TNFRSF19: variants seen among roughly 807,000 people sequenced by gnomAD.
The protein encoded by TNFRSF19 is TNF receptor superfamily member 19, also known as tumor necrosis factor receptor superfamily member 19.
TNFRSF19 carries 27 observed loss-of-function variants against 46.4 expected under a neutral mutation model. The ratio of observed to expected loss-of-function variants is 0.58; its 90% CI spans 0.43 to 0.80. The LOEUF is 0.80. Ranked by LOEUF, TNFRSF19 falls within the 30% of genes least tolerant of loss-of-function variation. The pLI, the probability that TNFRSF19 is intolerant of heterozygous loss-of-function variation, is 0.00. For missense variants in TNFRSF19, 511 were observed against 530.8 expected (o/e 0.96, Z 0.37); for synonymous variants, 204 against 205.0 (o/e 1.00, Z 0.04).
At chr13:23,642,286 G>A (rs925986167) in intron 5 of TNFRSF19, among the ~76,000 whole-genome samples, 4 of 152,066 alleles carry the variant, frequency 2.6e-5, no homozygotes, top group Non-Finnish European at 4.4e-5. Context: ...CTGTATAGGC[G>A]GTTTCAGTCA....
At chr13:23,661,776 C>G (rs571480156) in intron 7 of TNFRSF19, among the ~76,000 whole-genome samples, 1 of 152,290 alleles carries the variant, frequency 6.6e-6, no homozygotes, top group South Asian at 2.1e-4. Context: ...TTTTCATTTG[C>G]ATTTCTCTAA....
rs58921090 is a variant in TNFRSF19 at position 23,672,821 on chromosome 13, C to T, written c.1246-551C>T. ...CTACACTTTGCTGAGGATATTCTCC[C>T]GATAAGGACTGTGAGTATGCTAGGG... On this transcript the variant is annotated intron_variant, in intron 9 of 9. Transcript: ENST00000248484. 6.2e-4 allele frequency among the ~76,000 whole-genome samples: 95 copies of T among 152,222 alleles called. 1 individual carries two copies. In the East Asian group the frequency reaches 0.016, roughly 26 times the overall value.
chr13:23,630,730 A>G (rs1394005961), intron 5 of TNFRSF19, among the ~76,000 whole-genome samples: 8 of 152,266 alleles, frequency 5.3e-5, no homozygotes, highest in Non-Finnish European at 1.0e-4. Flanking sequence ...AAGAAAGTTT[A>G]GAACCATATC....
chr13:23,658,082 C>T (rs964860616), intron 5 of TNFRSF19, among the ~76,000 whole-genome samples: 1 of 151,120 alleles, frequency 6.6e-6, no homozygotes, highest in Non-Finnish European at 1.5e-5. Context: ...ATCCATTTCT[C>T]TCATTATTTT....
At chr13:23,635,966 A>G (rs1007661757) in intron 5 of TNFRSF19, among the ~76,000 whole-genome samples, 13 of 152,354 alleles carry the variant, frequency 8.5e-5, no homozygotes, top group African/African-American at 3.1e-4. Flanking sequence ...TTCCCCCATC[A>G]TGATACAGAA....
intron 5 of TNFRSF19, among the ~76,000 whole-genome samples, chr13:23,657,771 G>A (rs886064918): frequency 6.6e-6 from 1 of 151,980 alleles, no homozygotes; most frequent in African/African-American, 2.4e-5. Context: ...ACAGCTCACT[G>A]CAGCTTCATA....
intron 3 of TNFRSF19, among the ~76,000 whole-genome samples, chr13:23,597,124 A>G (rs1401419151): frequency 6.6e-6 from 1 of 152,262 alleles, no homozygotes; most frequent in African/African-American, 2.4e-5. Context: ...ATAGCACTAA[A>G]TGCCCACAGG....
intron 4 of TNFRSF19, among the ~76,000 whole-genome samples, chr13:23,617,903 A>G (rs988378719): frequency 3.3e-5 from 5 of 152,138 alleles, no homozygotes; most frequent in African/African-American, 1.2e-4. Flanking sequence ...CTACAGACAA[A>G]AGACTCTAAC....
chr13:23,591,368 G>A (rs879885921), intron 2 of TNFRSF19, among the ~76,000 whole-genome samples: 4 of 152,190 alleles, frequency 2.6e-5, no homozygotes, highest in South Asian at 2.1e-4. Flanking sequence ...TAGGAGAATC[G>A]CTTGAACATG....
At chr13:23,581,122 TTTTTC>T (rs1486353639) in intron 1 of TNFRSF19, among the ~76,000 whole-genome samples, 20 of 145,660 alleles carry the variant, frequency 1.4e-4, no homozygotes, top group African/African-American at 4.6e-4. Context: ...GCCTTTTCTT[TTTTTC>T]TTTTCTTTTT....
chr13:23,586,935 A>G (rs960631052), intron 1 of TNFRSF19, among the ~76,000 whole-genome samples: 5 of 151,956 alleles, frequency 3.3e-5, no homozygotes, highest in African/African-American at 9.7e-5. Context: ...GCTTATGTGG[A>G]GGACATGTAC....
At chr13:23,588,871 A>G (rs1879044846) in intron 1 of TNFRSF19, among the ~76,000 whole-genome samples, 1 of 152,366 alleles carries the variant, frequency 6.6e-6, no homozygotes, top group Admixed American at 6.5e-5. Context: ...CATTCACTCA[A>G]CAAAGGTAAA....
chr13:23,659,177 C>CT lies in TNFRSF19; in HGVS notation c.574dup (p.Tyr192LeufsTer3), dbSNP rs1330705349. On this transcript the variant is annotated frameshift_variant, in exon 6 of 10. Coordinates refer to ENST00000248484, the MANE Select transcript of TNFRSF19 (RefSeq NM_148957.4). LOFTEE classifies it high-confidence loss of function. The surrounding 1 kb of genome is among the most constrained non-coding windows in gnomAD (Gnocchi z 4.9). Reference sequence around the variant, plus strand: ...TGGCCCTGCTCATCCTCTGTGTCATCTATTGTAAGAGACAGTTTATGGAGA... The same window carrying CT: ...TGGCCCTGCTCATCCTCTGTGTCATCTTATTGTAAGAGACAGTTTATGGAGA... 6.2e-7 allele frequency: 1 copy of CT among 1,614,042 alleles called. No homozygotes were observed. Among genetic ancestry groups the CT allele is most frequent in the Non-Finnish European group, 8.5e-7 (1 of 1,179,932 alleles).
At chr13:23,654,907 C>G (rs3794345) in intron 5 of TNFRSF19, among the ~76,000 whole-genome samples, 125,753 of 152,190 alleles carry the variant, frequency 0.83, 52,299 homozygotes, top group Admixed American at 0.89. Context: ...AAGCTAGTGT[C>G]CATGTTTTAG....
In TNFRSF19 at chr13:23,668,865, A is replaced by G. The variant is rs58111610; in HGVS notation, c.1013A>G (p.Asn338Ser). 1.8e-4 allele frequency: 287 copies of G among 1,614,254 alleles called. 1 individual carries two copies. In the African/African-American group the frequency reaches 2.3e-3, roughly 13 times the overall value. ...ELTGEDIHSLNPELESSTSLD... is the reference protein window; with the variant it reads ...ELTGEDIHSLSPELESSTSLD... ...ACTGGAGAAGACATTCATTCTCTCA[A>G]TCCAGAACTTGAAAGCTCAACGTCT... Residue 338 changes from asparagine to serine, a missense_variant, in exon 9 of 10, where the codon AAT (asparagine) becomes AGT (serine). Coordinates refer to ENST00000248484, the MANE Select transcript of TNFRSF19 (RefSeq NM_148957.4).
At chr13:23,625,890 A>C (rs1266499162) in intron 4 of TNFRSF19, among the ~76,000 whole-genome samples, 1 of 152,212 alleles carries the variant, frequency 6.6e-6, no homozygotes, top group African/African-American at 2.4e-5. Context: ...CTTGATTAAT[A>C]ATGAAGTTAA....
At chr13:23,571,685 T>G (rs976185511) in intron 1 of TNFRSF19, among the ~76,000 whole-genome samples, 2 of 152,132 alleles carry the variant, frequency 1.3e-5, no homozygotes. Flanking sequence ...CATTTTCACT[T>G]TAGCTAATGC....
chr13:23,625,737 C>T (rs925104032), intron 4 of TNFRSF19, among the ~76,000 whole-genome samples: 13 of 152,188 alleles, frequency 8.5e-5, no homozygotes, highest in African/African-American at 2.9e-4. Flanking sequence ...GTTCTAGTGA[C>T]AGATTGCTAA....
rs192255676 is a variant in TNFRSF19 at position 23,658,588 on chromosome 13, T to C, written c.446-462T>C. Among the ~76,000 whole-genome samples the C allele has an allele frequency of 4.1e-4, 62 of 152,350 alleles. No homozygotes were observed. In the East Asian group the frequency reaches 9.8e-3, roughly 24 times the overall value. ...GGGTCTACTGTAAGGTTCTGGATGA[T>C]CCAACTCCTTGTTTTCCCCTAAAGT... On this transcript the variant is annotated intron_variant, in intron 5 of 9. Coordinates refer to ENST00000248484, the MANE Select transcript of TNFRSF19 (RefSeq NM_148957.4).
Sources: gnomAD v4.1 joint callset for allele counts (sites outside exome capture counted in the v4.1 genomes callset) on GRCh38, gnomAD v4.1.1 for gene constraint, Gnocchi (gnomAD v3.1) non-coding constraint, MANE v1.5 for transcripts, NCBI Gene and HGNC (gene_info 2026-07-23, HGNC 2026-07-21) for gene names.